SCEL: variants seen among roughly 807,000 people sequenced by gnomAD.
The protein encoded by SCEL is sciellin.
Under a neutral mutation model 117.6 loss-of-function variants are expected in SCEL, and 113 were observed. That is an observed-to-expected ratio of 0.96 (90% CI 0.83 to 1.12). The LOEUF (loss-of-function observed/expected upper bound fraction) is 1.12, where lower values mean the gene tolerates loss of function less well. Among genes scored for constraint, SCEL ranks in the 50% most tolerant of loss-of-function variants. The probability of loss-of-function intolerance (pLI) is 0.00; values close to 1 mark genes in which losing one functional copy is unlikely to be tolerated. For synonymous variants in SCEL, 270 were observed against 256.2 expected, an observed-to-expected ratio of 1.05 and a Z score of -0.51; for missense variants, 785 against 810.8, an observed-to-expected ratio of 0.97 and a Z score of 0.39.
At chr13:77,556,285 G>C (rs1322113708) in intron 2 of SCEL, among the ~76,000 whole-genome samples, 2 of 152,054 alleles carry the variant, frequency 1.3e-5, no homozygotes, top group African/African-American at 4.8e-5. Context: ...GGGGTAAAAA[G>C]GCCAACCCAC....
intron 13 of SCEL, among the ~76,000 whole-genome samples, chr13:77,597,855 C>T (rs2087341805): frequency 6.6e-6 from 1 of 151,898 alleles, no homozygotes; most frequent in Admixed American, 6.6e-5. Flanking sequence ...CTTTTCTCTT[C>T]CTGAAATATT....
chr13:77,623,457 A>G (rs1033509955), intron 27 of SCEL: 2 of 152,172 alleles, frequency 1.3e-5, no homozygotes, highest in African/African-American at 4.8e-5. Context: ...CCATTGCTTC[A>G]CTTGACTAGC....
At chr13:77,543,811 A>G (rs2154394233) in intron 1 of SCEL, among the ~76,000 whole-genome samples, 1 of 152,176 alleles carries the variant, frequency 6.6e-6, no homozygotes, top group South Asian at 2.1e-4. Context: ...AGTCGAGTAA[A>G]TTTCTTCCTG....
intron 1 of SCEL, among the ~76,000 whole-genome samples, chr13:77,551,009 A>G (rs1471901515): frequency 6.6e-6 from 1 of 152,204 alleles, no homozygotes; most frequent in Non-Finnish European, 1.5e-5. Flanking sequence ...AAACCCCTGC[A>G]TCCACGTTCC....
intron 1 of SCEL, among the ~76,000 whole-genome samples, chr13:77,541,493 AAAT>A (rs1372943825): frequency 2.0e-5 from 3 of 151,904 alleles, no homozygotes; most frequent in East Asian, 1.9e-4. Context: ...CATTCAAAGA[AAAT>A]AATCAGATAC....
intron 6 of SCEL, 60 bp downstream of exon 6, chr13:77,567,808 T>C (rs1261080471): frequency 2.8e-6 from 3 of 1,057,750 alleles, no homozygotes; most frequent in African/African-American, 1.6e-5. Flanking sequence ...AAGTGTTACC[T>C]ATGTACTTGC....
chr13:77,600,131 A>T, intron 15 of SCEL: 1 of 165,678 alleles, frequency 6.0e-6, no homozygotes, highest in Non-Finnish European at 1.3e-5. Context: ...ATAGCCCCTC[A>T]CCACTGAAGT....
chr13:77,600,406 T>C (rs2087583246), intron 15 of SCEL, among the ~76,000 whole-genome samples: 1 of 151,854 alleles, frequency 6.6e-6, no homozygotes, highest in African/African-American at 2.4e-5. Flanking sequence ...TAGGATTACA[T>C]GCATGAGCCA....
intron 9 of SCEL, among the ~76,000 whole-genome samples, chr13:77,587,077 G>T (rs535292706): frequency 6.6e-6 from 1 of 151,578 alleles, no homozygotes; most frequent in Admixed American, 6.6e-5. Context: ...CATTTTCTCC[G>T]CCTCTTTCTT....
At chr13:77,572,214 T>C in intron 9 of SCEL, 25 bp downstream of exon 9, 4 of 1,549,478 alleles carry the variant, frequency 2.6e-6, no homozygotes, top group Non-Finnish European at 3.6e-6. Flanking sequence ...TCAGGCGTAA[T>C]TGCTGTGCCA....
rs769121015 is a variant in SCEL, at chr13:77,627,969, A to T, written c.1651A>T (p.Ile551Phe). ...TNRDQNLENL[I>F]EVNSHVSENK... is the part of the protein sequence containing the mutation. Reference sequence around the variant, plus strand: ...TAGAGACCAGAACCTGGAAAATTTAATTGAAGTAAATTCTCATGTGTCTGA... The same window carrying T: ...TAGAGACCAGAACCTGGAAAATTTATTTGAAGTAAATTCTCATGTGTCTGA... Residue 551 changes from isoleucine (I) to phenylalanine (F), a missense_variant, in exon 28 of 33, where the codon ATT becomes TTT. Ile to Phe is a conservative substitution (Grantham distance 21). Transcript: ENST00000349847. 2.0e-6 allele frequency: 3 copies of T among 1,494,824 alleles called. No individual in the cohort carries two copies. The South Asian group carries it at 3.9e-5, about 20-fold the overall frequency. The allele number at this position is 1,494,824 out of a possible 1,614,324, so 92.6% of individuals were successfully genotyped here.
intron 9 of SCEL, among the ~76,000 whole-genome samples, chr13:77,573,117 T>A (rs535461516): frequency 6.6e-6 from 1 of 152,346 alleles, no homozygotes; most frequent in African/African-American, 2.4e-5. Flanking sequence ...ATTCTACAAT[T>A]TCCATGCTAG....
chr13:77,604,503 T>C, intron 19 of SCEL, 88 bp downstream of exon 19: 1 of 1,094,196 alleles, frequency 9.1e-7, no homozygotes, highest in Non-Finnish European at 1.3e-6. Flanking sequence ...GACAGTAAAT[T>C]GGAATTCAGG....
At chr13:77,604,820 G>A (rs538978962) in intron 19 of SCEL, among the ~76,000 whole-genome samples, 13 of 152,106 alleles carry the variant, frequency 8.5e-5, no homozygotes, top group Non-Finnish European at 1.9e-4. Flanking sequence ...GTGAGTGTAT[G>A]TGCATGTGTA....
intron 9 of SCEL, among the ~76,000 whole-genome samples, chr13:77,585,479 C>G (rs143383128): frequency 0.013 from 2,050 of 152,122 alleles, 53 homozygotes; most frequent in African/African-American, 0.046. Context: ...AAACAACAAC[C>G]ACTACAGCAA....
At chr13:77,593,424 C>A in intron 11 of SCEL, 90 bp from the exon 12 acceptor site, 2 of 938,368 alleles carry the variant, frequency 2.1e-6, no homozygotes, top group Admixed American at 2.0e-5. Flanking sequence ...AGACTATTTA[C>A]TTTATTTACT....
intron 19 of SCEL, among the ~76,000 whole-genome samples, chr13:77,605,582 T>C (rs2088101970): frequency 6.6e-6 from 1 of 152,200 alleles, no homozygotes; most frequent in South Asian, 2.1e-4. Flanking sequence ...GCCGGGCACA[T>C]AGTAGATACA....
intron 19 of SCEL, among the ~76,000 whole-genome samples, chr13:77,605,228 CA>C (rs2088058779): frequency 1.3e-5 from 2 of 152,004 alleles, no homozygotes; most frequent in African/African-American, 2.4e-5. Flanking sequence ...TTGATTCTAA[CA>C]TGTGTCATGG....
intron 1 of SCEL, among the ~76,000 whole-genome samples, chr13:77,546,271 A>G (rs565994106): frequency 6.6e-6 from 1 of 152,284 alleles, no homozygotes; most frequent in South Asian, 2.1e-4. Context: ...AGTGCCTGGT[A>G]TGGGTCATAT....
Sources: gnomAD v4.1 joint callset for allele counts (sites outside exome capture counted in the v4.1 genomes callset) on GRCh38, gnomAD v4.1.1 for gene constraint, MANE v1.5 for transcripts, NCBI Gene and HGNC (gene_info 2026-07-23, HGNC 2026-07-21) for gene names.